INPP4B: variants seen among roughly 807,000 people sequenced by gnomAD.
The protein encoded by INPP4B is inositol polyphosphate-4-phosphatase type II B.
A neutral mutation model predicts 122.5 loss-of-function variants in INPP4B; 55 were observed. The observed-to-expected ratio is 0.45, with a 90% CI of 0.36 to 0.56. INPP4B has a LOEUF of 0.56. Ranked by LOEUF, INPP4B falls within the 20% of genes least tolerant of loss-of-function variation. The pLI, the probability that INPP4B is intolerant of heterozygous loss-of-function variation, is 0.00. For missense variants in INPP4B, 1,000 were observed against 1,097.7 expected, an observed-to-expected ratio of 0.91 and a Z score of 1.26; for synonymous variants, 403 against 388.7, an observed-to-expected ratio of 1.04 and a Z score of -0.43.
chr4:142,403,490 T>C (rs112718653), intron 6 of INPP4B, among the ~76,000 whole-genome samples: 3 of 152,336 alleles, frequency 2.0e-5, no homozygotes, highest in South Asian at 2.1e-4. Context: ...AATGATTCAA[T>C]TGAAAATCAT....
intron 2 of INPP4B, among the ~76,000 whole-genome samples, chr4:142,550,402 T>A (rs1400763647): frequency 6.6e-6 from 1 of 152,014 alleles, no homozygotes; most frequent in East Asian, 1.9e-4. Flanking sequence ...CAAACCAGGA[T>A]GTTAGTAATC....
At chr4:142,814,769 A>C (rs1443359926) in intron 1 of INPP4B, among the ~76,000 whole-genome samples, 1 of 152,184 alleles carries the variant, frequency 6.6e-6, no homozygotes, top group Non-Finnish European at 1.5e-5. Flanking sequence ...TAAATGATGG[A>C]TTAAATATAG....
chr4:142,833,599 T>C (rs1782428866), intron 1 of INPP4B, among the ~76,000 whole-genome samples: 2 of 151,864 alleles, frequency 1.3e-5, no homozygotes, highest in Admixed American at 1.3e-4. Context: ...ATACAATATA[T>C]GGAGAAAAAA....
chr4:142,733,856 A>G (rs1466878354), intron 1 of INPP4B, among the ~76,000 whole-genome samples: 1 of 152,224 alleles, frequency 6.6e-6, no homozygotes, highest in Non-Finnish European at 1.5e-5. Context: ...TTCCATAAAC[A>G]GTAAAGCTGA....
At chr4:142,723,992 C>T (rs1392751232) in intron 2 of INPP4B, among the ~76,000 whole-genome samples, 5 of 152,152 alleles carry the variant, frequency 3.3e-5, no homozygotes, top group African/African-American at 4.8e-5. Context: ...CCAACCTCCA[C>T]AGCAACATAC....
At chr4:142,564,724 T>A (rs1485495335) in intron 2 of INPP4B, among the ~76,000 whole-genome samples, 1 of 152,030 alleles carries the variant, frequency 6.6e-6, no homozygotes, top group Non-Finnish European at 1.5e-5. Flanking sequence ...ATATGGAATG[T>A]TGGAGTATCT....
chr4:142,144,222 T>TACACAC (rs35496129), intron 18 of INPP4B, among the ~76,000 whole-genome samples: 213 of 145,024 alleles, frequency 1.5e-3, no homozygotes, highest in Middle Eastern at 0.014. Flanking sequence ...AAATACAAGA[T>TACACAC]ACACACACAC....
intron 18 of INPP4B, among the ~76,000 whole-genome samples, chr4:142,139,506 C>T (rs1238459286): frequency 1.3e-5 from 2 of 152,140 alleles, no homozygotes; most frequent in East Asian, 3.9e-4. Flanking sequence ...GGGGTTTCCC[C>T]ATGTTGGCCA....
At chr4:142,427,243 G>A (rs560586344) in intron 5 of INPP4B, 15 of 278,118 alleles carry the variant, frequency 5.4e-5, no homozygotes, top group East Asian at 3.6e-4. Context: ...TGGGGACTGT[G>A]TCTTCTAGGA....
chr4:142,136,532 G>A (rs1804357808), intron 18 of INPP4B, among the ~76,000 whole-genome samples: 1 of 152,222 alleles, frequency 6.6e-6, no homozygotes, highest in Non-Finnish European at 1.5e-5. Flanking sequence ...TGAAGTTTGG[G>A]CATGGGGAAA....
At chr4:142,803,171 C>CAAAAAAAA (rs574677089) in intron 1 of INPP4B, among the ~76,000 whole-genome samples, 1 of 82,854 alleles carries the variant, frequency 1.2e-5, no homozygotes. Context: ...GACTACGTCT[C>CAAAAAAAA]AAAAAAAAAA....
intron 23 of INPP4B, among the ~76,000 whole-genome samples, chr4:142,093,377 TAAACA>T (rs1201481856): frequency 2.6e-5 from 4 of 152,132 alleles, no homozygotes; most frequent in African/African-American, 9.7e-5. Context: ...TCTGTGAGCA[TAAACA>T]AAATGATTCT....
intron 2 of INPP4B, among the ~76,000 whole-genome samples, chr4:142,550,372 G>A (rs72726446): frequency 0.046 from 7,028 of 152,048 alleles, 203 homozygotes; most frequent in Non-Finnish European, 0.053. Flanking sequence ...CATAATTAAG[G>A]TCTGTGAACT....
At chr4:142,423,993 T>C (rs1195050388) in intron 5 of INPP4B, among the ~76,000 whole-genome samples, 1 of 152,026 alleles carries the variant, frequency 6.6e-6, no homozygotes, top group Non-Finnish European at 1.5e-5. Flanking sequence ...AATGATTTAT[T>C]GTGTGTCTTT....
intron 16 of INPP4B, among the ~76,000 whole-genome samples, chr4:142,167,472 T>C (rs918310396): frequency 2.0e-5 from 3 of 151,754 alleles, no homozygotes; most frequent in African/African-American, 7.2e-5. Context: ...GATGGGTTGA[T>C]AGATGCTGCA....
intron 1 of INPP4B, among the ~76,000 whole-genome samples, chr4:142,750,874 T>C (rs1305994752): frequency 6.6e-6 from 1 of 152,134 alleles, no homozygotes; most frequent in Non-Finnish European, 1.5e-5. Flanking sequence ...TATTGTTTTT[T>C]AGATCATTTA....
intron 7 of INPP4B, among the ~76,000 whole-genome samples, chr4:142,361,680 T>G (rs1224482643): frequency 1.3e-5 from 2 of 151,938 alleles, no homozygotes; most frequent in African/African-American, 4.8e-5. Context: ...TGATTAAAAT[T>G]TGTAATTATA....
At chr4:142,695,231 A>AAG (rs1187179969) in intron 2 of INPP4B, among the ~76,000 whole-genome samples, 3 of 152,174 alleles carry the variant, frequency 2.0e-5, no homozygotes, top group Admixed American at 2.0e-4. Context: ...AAAGATAATA[A>AAG]AGTTCTAAAA....
At chr4:142,074,099 C>T (rs1379118749) in intron 25 of INPP4B, among the ~76,000 whole-genome samples, 1 of 152,008 alleles carries the variant, frequency 6.6e-6, no homozygotes, top group East Asian at 1.9e-4. Context: ...TTCCACTGTG[C>T]TTTCATTTAA....
Sources: allele counts gnomAD v4.1 joint callset (sites outside exome capture counted in the v4.1 genomes callset), GRCh38; gene constraint gnomAD v4.1.1; transcripts MANE v1.5; gene names NCBI Gene and HGNC (gene_info 2026-07-23, HGNC 2026-07-21).